Variants in INSC observed in about 807,000 individuals in gnomAD.
The protein encoded by INSC is protein inscuteable homolog.
In INSC, 67 loss-of-function variants were observed where a neutral mutation model predicts 58.6. That is an observed-to-expected ratio of 1.14 (90% CI 0.94 to 1.40). The LOEUF is 1.40. INSC is among the 40% of genes most tolerant of loss of function. The probability of loss-of-function intolerance (pLI) is 0.00; values close to 1 mark genes in which losing one functional copy is unlikely to be tolerated. For missense variants in INSC, 714 were observed against 692.0 expected, an observed-to-expected ratio of 1.03 and a Z score of -0.36; for synonymous variants, 262 against 276.1, an observed-to-expected ratio of 0.95 and a Z score of 0.51.
chr11:15,158,860 G>GTTTTTTTTTTTTTTTTT (rs529518368), intron 2 of INSC, among the ~76,000 whole-genome samples: 13 of 109,672 alleles, frequency 1.2e-4, no homozygotes, highest in African/African-American at 3.9e-4. Flanking sequence ...ATTGTTGGTG[G>GTTTTTTTTTTTTTTTTT]TTTTTTTTTT....
chr11:15,235,724 T>A, intron 10 of INSC, 56 bp downstream of exon 10: 1 of 1,440,388 alleles, frequency 6.9e-7, no homozygotes, highest in Non-Finnish European at 9.8e-7. Flanking sequence ...TAGGGGACTG[T>A]GTCTTTGTGC....
chr11:15,191,684 A>C (rs973572041), intron 6 of INSC, among the ~76,000 whole-genome samples: 1 of 152,208 alleles, frequency 6.6e-6, no homozygotes, highest in Non-Finnish European at 1.5e-5. Context: ...CCCCATAATA[A>C]TTAGCAGTAG....
Position 15,175,815 on chromosome 11 carries a change from T to C in INSC, c.131T>C (p.Met44Thr). ...DLKLMTECEC[M>T]CVLQAKPISL... ...AAGCTCATGACCGAGTGCGAGTGCA[T>C]GTGTGTCCTGCAGGCCAAGCCCATC... The change falls in exon 3 of 13, where the codon ATG (methionine) becomes ACG (threonine). Residue 44 changes from methionine to threonine, a missense_variant. By Grantham distance (81) the Met-to-Thr change is moderately conservative. Transcript: ENST00000379556. The C allele has an allele frequency of 6.2e-7, 1 of 1,610,050 alleles. No individual in the cohort carries two copies. Among genetic ancestry groups the C allele is most frequent in the Non-Finnish European group, 8.5e-7 (1 of 1,176,780 alleles).
intron 5 of INSC, among the ~76,000 whole-genome samples, chr11:15,189,962 G>A (rs1000287373): frequency 2.6e-5 from 4 of 152,096 alleles, no homozygotes; most frequent in Non-Finnish European, 5.9e-5. Flanking sequence ...TTTTGTTAAT[G>A]AATCTTTCAT....
chr11:15,157,735 A>G (rs12295853), intron 2 of INSC, among the ~76,000 whole-genome samples: 58,938 of 151,922 alleles, frequency 0.39, 11,678 homozygotes, highest in Middle Eastern at 0.44. Context: ...TGAGAAGGGC[A>G]CTTATTATGT....
At chr11:15,197,861 T>C (rs1589957456) in intron 6 of INSC, among the ~76,000 whole-genome samples, 1 of 152,322 alleles carries the variant, frequency 6.6e-6, no homozygotes, top group East Asian at 1.9e-4. Context: ...TGACAGCTCA[T>C]CCCAAGTCTC....
At position 15,244,140 on chromosome 11, in the gene INSC, G is replaced by A. The variant is rs575100291; in HGVS notation, c.1471-1772G>A. On this transcript the variant is annotated intron_variant, in intron 12 of 12. Transcript: ENST00000379556. ...GATGCAAAAATGCATTGGTGGCCTTGTTTCCTCATCTTCAGAAAATCCCTG... is the reference window on the plus strand; with the variant it reads ...GATGCAAAAATGCATTGGTGGCCTTATTTCCTCATCTTCAGAAAATCCCTG... Among the ~76,000 whole-genome samples, 17 of 152,204 alleles carry A rather than the reference G, an allele frequency of 1.1e-4. No individual in the cohort carries two copies. In the South Asian group the frequency reaches 3.3e-3, roughly 30 times the overall value.
intron 7 of INSC, among the ~76,000 whole-genome samples, chr11:15,218,241 G>C (rs1851297108): frequency 6.6e-6 from 1 of 152,030 alleles, no homozygotes; most frequent in South Asian, 2.1e-4. Context: ...AACAAGAAGA[G>C]GTTTCATAAA....
intron 7 of INSC, among the ~76,000 whole-genome samples, chr11:15,217,850 T>C (rs1564909322): frequency 6.6e-6 from 1 of 152,192 alleles, no homozygotes; most frequent in South Asian, 2.1e-4. Flanking sequence ...TTTGTAGCCA[T>C]AAAATTGGCA....
chr11:15,155,811 A>T (rs1486870388), intron 2 of INSC, among the ~76,000 whole-genome samples: 1 of 152,240 alleles, frequency 6.6e-6, no homozygotes, highest in East Asian at 1.9e-4. Context: ...AGATTTCCAC[A>T]AACTATTCAC....
Position 15,240,540 on chromosome 11 carries a change from C to A in INSC, c.1470+17C>A. On this transcript the variant is annotated intron_variant, in intron 12 of 12. Transcript: ENST00000379556. Reference sequence around the variant, plus strand: ...GCCTGCCTGGTGAGTTCTCAGTCTTCCCCCAGCTTTTCCCCTGGCCTTCGG... The same window carrying A: ...GCCTGCCTGGTGAGTTCTCAGTCTTACCCCAGCTTTTCCCCTGGCCTTCGG... 1.2e-6 allele frequency: 2 copies of A among 1,607,624 alleles called. No individual in the cohort carries two copies. Among genetic ancestry groups the A allele is most frequent in the Non-Finnish European group, 1.7e-6 (2 of 1,176,174 alleles).
the INSC span, among the ~76,000 whole-genome samples, chr11:15,253,163 T>C: frequency 4.6e-5 from 7 of 152,152 alleles, no homozygotes; most frequent in South Asian, 2.1e-4. Flanking sequence ...AAAAGGAAAA[T>C]GCAACAAACA....
chr11:15,264,329 A>T, the INSC span, among the ~76,000 whole-genome samples: 1 of 149,188 alleles, frequency 6.7e-6, no homozygotes, highest in Non-Finnish European at 1.5e-5. Context: ...GCTGCTGCGT[A>T]TCTCTGACTG....
the INSC span, among the ~76,000 whole-genome samples, chr11:15,263,158 A>G: frequency 3.3e-5 from 5 of 152,176 alleles, no homozygotes; most frequent in Admixed American, 3.3e-4. Flanking sequence ...GATATATCTG[A>G]AAAGGTGTAC....
chr11:15,162,827 A>G (rs1299220845), intron 2 of INSC, among the ~76,000 whole-genome samples: 2 of 152,176 alleles, frequency 1.3e-5, no homozygotes, highest in Non-Finnish European at 1.5e-5. Context: ...ATAAAGTTCT[A>G]TGAGAGGGCA....
At chr11:15,222,649 A>C (rs1851489134) in intron 8 of INSC, among the ~76,000 whole-genome samples, 1 of 152,198 alleles carries the variant, frequency 6.6e-6, no homozygotes, top group Non-Finnish European at 1.5e-5. Flanking sequence ...AATATAAACA[A>C]GACATTGCAA....
intron 7 of INSC, among the ~76,000 whole-genome samples, chr11:15,209,134 C>G (rs1850923310): frequency 6.6e-6 from 1 of 152,194 alleles, no homozygotes; most frequent in African/African-American, 2.4e-5. Context: ...AAAATCCAAA[C>G]CCCTCAGCCT....
At chr11:15,251,153 G>A (rs962064155), downstream of INSC, among the ~76,000 whole-genome samples, 37 of 152,200 alleles carry the variant, frequency 2.4e-4, no homozygotes, top group African/African-American at 8.4e-4. Context: ...GCTCCTGGAA[G>A]AAGCAAAATG....
rs574983750 is a variant in INSC, at chr11:15,116,050, T to C, written c.-46+1047T>C. On this transcript the variant is annotated intron_variant, in intron 1 of 12. Transcript: ENST00000379556. Reference sequence around the variant, plus strand: ...TCAGGGCAGATGGTGATGTGGTGCCTTTGAGGGGTTCCATTGAATCTGAAA... The same window carrying C: ...TCAGGGCAGATGGTGATGTGGTGCCCTTGAGGGGTTCCATTGAATCTGAAA... Among the ~76,000 whole-genome samples, 2 of 152,118 alleles carry C rather than the reference T, an allele frequency of 1.3e-5. 1 individual carries two copies. The highest frequency in any genetic ancestry group is 4.1e-4 in the South Asian group (2 of 4,828).
Sources: gnomAD v4.1 joint callset for allele counts (sites outside exome capture counted in the v4.1 genomes callset) on GRCh38, gnomAD v4.1.1 for gene constraint, MANE v1.5 for transcripts, NCBI Gene and HGNC (gene_info 2026-07-23, HGNC 2026-07-21) for gene names.